Variants in DDHD1 observed in about 807,000 individuals in gnomAD.
DDHD1 encodes the protein phospholipase DDHD1.
A neutral mutation model predicts 96.4 loss-of-function variants in DDHD1; 49 were observed. The observed-to-expected ratio is 0.51, with a 90% CI of 0.40 to 0.64. The LOEUF is 0.64. DDHD1 is among the 30% of genes least tolerant of loss of function. The probability of loss-of-function intolerance (pLI) is 0.00; values close to 1 mark genes in which losing one functional copy is unlikely to be tolerated. For synonymous variants in DDHD1, 442 were observed against 446.5 expected (o/e 0.99, Z 0.13); for missense variants, 1,106 against 1,161.2 (o/e 0.95, Z 0.69).
chr14:53,129,711 C>T (rs901812046), intron 1 of DDHD1, among the ~76,000 whole-genome samples: 1 of 152,186 alleles, frequency 6.6e-6, no homozygotes, highest in African/African-American at 2.4e-5. Context: ...ATTCCTCCTT[C>T]TTCTCCCTTA....
In DDHD1 at chr14:53,153,011, C is replaced by T; in HGVS notation, c.88G>A (p.Ala30Thr). ...ACGCCGCCGCCGAACGCTGGCCTCG[C>T]GTCTGAGCCCAGCTCCCAGGCGCCG... ...GGGAWELGSD[A>T]RPAFGGGVCC... is the part of the protein sequence containing the mutation. The change falls in exon 1 of 13, where the codon GCG becomes ACG. Residue 30 changes from alanine to threonine, a missense_variant. By Grantham distance (58) the Ala-to-Thr change is moderately conservative (BLOSUM62 0). This residue lies in a region of DDHD1 where 456 missense variants were observed against 402.4 expected (regional missense o/e 1.13). Coordinates refer to ENST00000673822, the MANE Select transcript of DDHD1 (RefSeq NM_001160148.2). 2.0e-6 allele frequency: 3 copies of T among 1,530,072 alleles called. No homozygotes were observed. Among genetic ancestry groups the T allele is most frequent in the Non-Finnish European group, 2.6e-6 (3 of 1,141,882 alleles). 94.8% of individuals were successfully genotyped at this position (1,530,072 alleles called of 1,614,324 possible). A position where few individuals can be genotyped will look rare whatever the true frequency, so the allele number is the denominator to read the frequency against.
chr14:53,120,523 C>T (rs1327824176), intron 1 of DDHD1, among the ~76,000 whole-genome samples: 1 of 152,136 alleles, frequency 6.6e-6, no homozygotes, highest in Non-Finnish European at 1.5e-5. Context: ...AATCTGGAGA[C>T]ACCACACTAC....
chr14:53,116,026 G>A (rs1216124084), intron 1 of DDHD1, among the ~76,000 whole-genome samples: 1 of 152,104 alleles, frequency 6.6e-6, no homozygotes, highest in Non-Finnish European at 1.5e-5. Context: ...AAGGGATGGA[G>A]GAACATTTAC....
Position 53,153,060 on chromosome 14 carries a change from CT to C in DDHD1, c.38del (p.Glu13GlyfsTer147). On this transcript the variant is annotated frameshift_variant, in exon 1 of 13. Coordinates refer to ENST00000673822, the MANE Select transcript of DDHD1 (RefSeq NM_001160148.2). LOFTEE classifies it high-confidence loss of function. ...CGCCGCCGCCGCCTCGGCCGTTATG[CT>C]CGGGGCTCCGTGGGGACCCGCGGCC... is the stretch of plus-strand genomic sequence containing the variant. ...YPGRGSPRSP[E>X]HNGRGGGGGA... The C allele has an allele frequency of 6.8e-7, 1 of 1,480,956 alleles. No individual in the cohort carries two copies. The highest frequency in any genetic ancestry group is 2.8e-5 in the East Asian group (1 of 35,716). The allele number at this position is 1,480,956 out of a possible 1,614,324, so 91.7% of individuals were successfully genotyped here. A position where few individuals can be genotyped will look rare whatever the true frequency, so the allele number is the denominator to read the frequency against.
rs190158985 is a variant in DDHD1 at position 53,073,722 on chromosome 14, A to C, written c.1396+19T>G. 4 of 1,577,634 alleles carry C rather than the reference A, an allele frequency of 2.5e-6. No homozygotes were observed. In the African/African-American group the frequency reaches 5.5e-5, roughly 22 times the overall value. On this transcript the variant is annotated intron_variant, in intron 5 of 12. Coordinates refer to ENST00000673822, the MANE Select transcript of DDHD1 (RefSeq NM_001160148.2). ...AAGTTTGCCATTGGCTAAATCATTC[A>C]ATTTTTAAATAAATATACCTCCATC...
At chr14:53,073,346 G>C (rs950836789) in intron 5 of DDHD1, among the ~76,000 whole-genome samples, 4 of 151,548 alleles carry the variant, frequency 2.6e-5, no homozygotes, top group African/African-American at 9.7e-5. Context: ...CGATTATGGG[G>C]AGAAAATTAT....
At chr14:53,081,066 T>C (rs1164820769) in intron 4 of DDHD1, among the ~76,000 whole-genome samples, 2 of 152,344 alleles carry the variant, frequency 1.3e-5, no homozygotes, top group South Asian at 2.1e-4. Flanking sequence ...ATTATGTTTA[T>C]TGACTGCATA....
At chr14:53,075,672 C>T (rs542754773) in intron 4 of DDHD1, among the ~76,000 whole-genome samples, 1 of 152,314 alleles carries the variant, frequency 6.6e-6, no homozygotes, top group East Asian at 1.9e-4. Context: ...TGGACTTTCA[C>T]AGCTAGAGAG....
chr14:53,060,287 T>A (rs918528628), intron 8 of DDHD1, among the ~76,000 whole-genome samples: 3 of 152,234 alleles, frequency 2.0e-5, no homozygotes, highest in African/African-American at 7.2e-5. Context: ...AATAGTCTAG[T>A]CAATGCTGAC....
chr14:53,098,910 C>A (rs937869569), intron 2 of DDHD1, among the ~76,000 whole-genome samples: 1 of 151,948 alleles, frequency 6.6e-6, no homozygotes, highest in Non-Finnish European at 1.5e-5. Flanking sequence ...TCAGGTCTTG[C>A]GTTCTTAAAC....
At chr14:53,115,933 A>G (rs1364170112) in intron 1 of DDHD1, among the ~76,000 whole-genome samples, 1 of 152,252 alleles carries the variant, frequency 6.6e-6, no homozygotes, top group Non-Finnish European at 1.5e-5. Context: ...ACAGACTGGA[A>G]AACTGGATAG....
rs1441074531 is a variant in DDHD1 at position 53,135,374 on chromosome 14, A to C, written c.838+16887T>G. Among the ~76,000 whole-genome samples, 3 of 152,310 alleles carry C rather than the reference A, an allele frequency of 2.0e-5. No homozygotes were observed. In the East Asian group the frequency reaches 5.8e-4, roughly 29 times the overall value. On this transcript the variant is annotated intron_variant, in intron 1 of 12. Transcript: ENST00000673822. ...ATATTCTCTACGCCCTTGAGAATGC[A>C]CTTGGTGAGATCCACCCGCTGCCTG... is the stretch of plus-strand genomic sequence containing the variant.
intron 1 of DDHD1, among the ~76,000 whole-genome samples, chr14:53,120,054 G>T (rs985180294): frequency 3.3e-5 from 5 of 152,120 alleles, no homozygotes; most frequent in African/African-American, 1.2e-4. Context: ...AAAACCCCAT[G>T]GTCTCAGACT....
chr14:53,138,947 G>C (rs1249504792), intron 1 of DDHD1, among the ~76,000 whole-genome samples: 1 of 152,064 alleles, frequency 6.6e-6, no homozygotes, highest in African/African-American at 2.4e-5. Flanking sequence ...GGAAAGGTCT[G>C]CCTGGATCCT....
intron 1 of DDHD1, among the ~76,000 whole-genome samples, chr14:53,118,386 C>G (rs1425771964): frequency 1.3e-5 from 2 of 152,106 alleles, no homozygotes; most frequent in Admixed American, 1.3e-4. Flanking sequence ...CATGTTCTAA[C>G]CCATCACAAG....
chr14:53,117,538 AC>A (rs1174769980), intron 1 of DDHD1, among the ~76,000 whole-genome samples: 21 of 152,222 alleles, frequency 1.4e-4, no homozygotes, highest in African/African-American at 5.1e-4. Context: ...AGCCTTGCTC[AC>A]TGCTAGCGCA....
chr14:53,064,512 C>T (rs1883857315), intron 6 of DDHD1, among the ~76,000 whole-genome samples: 1 of 152,064 alleles, frequency 6.6e-6, no homozygotes, highest in African/African-American at 2.4e-5. Context: ...AAACATCTCT[C>T]ACTACACCAA....
intron 1 of DDHD1, among the ~76,000 whole-genome samples, chr14:53,128,113 C>T (rs916589507): frequency 6.6e-5 from 10 of 152,152 alleles, no homozygotes; most frequent in Admixed American, 5.2e-4. Flanking sequence ...TGAAGAAGGA[C>T]GAGTTTGCTT....
intron 4 of DDHD1, among the ~76,000 whole-genome samples, chr14:53,084,989 G>A (rs7142692): frequency 0.077 from 11,798 of 152,322 alleles, 1,201 homozygotes; most frequent in African/African-American, 0.23. Flanking sequence ...CTGGCTCAGC[G>A]GGTCCCACAC....
Sources: gnomAD v4.1 joint callset for allele counts (sites outside exome capture counted in the v4.1 genomes callset) on GRCh38, gnomAD v4.1.1 for gene constraint, gnomAD v4.1.1 regional missense constraint, MANE v1.5 for transcripts, NCBI Gene and HGNC (gene_info 2026-07-23, HGNC 2026-07-21) for gene names.